Variants in AKR1C2 observed in about 807,000 individuals in gnomAD.
AKR1C2 encodes 3-alpha-HSD3.
Under a neutral mutation model 39.8 loss-of-function variants are expected in AKR1C2, and 27 were observed. The observed-to-expected ratio is 0.68, with a 90% confidence interval of 0.50 to 0.93. The LOEUF (loss-of-function observed/expected upper bound fraction) is 0.93. AKR1C2 is among the 40% of genes least tolerant of loss of function. AKR1C2 has a pLI of 0.00. For synonymous variants in AKR1C2, 114 were observed against 137.9 expected, an observed-to-expected ratio of 0.83 and a Z score of 1.22; for missense variants, 263 against 365.1, an observed-to-expected ratio of 0.72 and a Z score of 2.28.
At chr10:5,000,008 G>T in intron 3 of AKR1C2, 1 of 1,028,696 alleles carries the variant, frequency 9.7e-7, no homozygotes. Context: ...TAAGACAAAA[G>T]TTATGAATGA....
chr10:5,009,630 G>A lies in AKR1C2; in HGVS notation c.-87-5708C>T, dbSNP rs1205792063. Among the ~76,000 whole-genome samples, 6 of 151,222 alleles carry A rather than the reference G, an allele frequency of 4.0e-5. No homozygotes were observed. In the East Asian group the frequency reaches 1.2e-3, roughly 29 times the overall value. ...TCCCAGCAAAGGCCCCCACCTTTAAGCCTGGATACTCGTGCCCCTAAATGA... is the reference window on the plus strand; with the variant it reads ...TCCCAGCAAAGGCCCCCACCTTTAAACCTGGATACTCGTGCCCCTAAATGA... On this transcript the variant is annotated intron_variant, in intron 1 of 6. Transcript: ENST00000604507.
upstream of AKR1C2, chr10:5,003,898 C>T (rs1588307202): frequency 7.1e-6 from 11 of 1,542,086 alleles, no homozygotes; most frequent in African/African-American, 1.4e-5. Context: ...GAGCAATGAG[C>T]TGGCAACGCC....
chr10:4,991,717 T>C (rs1372470838), intron 8 of AKR1C2, 114 bp downstream of exon 8: 1 of 209,096 alleles, frequency 4.8e-6, no homozygotes, highest in Non-Finnish European at 9.2e-6. Flanking sequence ...AGCTCCTGTC[T>C]CACCTCTGTC....
At chr10:5,008,463 G>A (rs1554774620), upstream of AKR1C2, among the ~76,000 whole-genome samples, 2 of 151,970 alleles carry the variant, frequency 1.3e-5, no homozygotes, top group Non-Finnish European at 2.9e-5. Context: ...CAAGGCTCAA[G>A]GGGTACCTTG....
At chr10:5,000,343 CT>C (rs1283887925) in intron 3 of AKR1C2, 1 of 1,537,120 alleles carries the variant, frequency 6.5e-7, no homozygotes, top group Non-Finnish European at 8.8e-7. Context: ...TCTGCACTCT[CT>C]TTTCTTGTAG....
intron 8 of AKR1C2, 64 bp from the exon 9 acceptor site, chr10:4,990,102 A>G (rs1836783037): frequency 1.9e-6 from 3 of 1,600,864 alleles, no homozygotes; most frequent in South Asian, 1.1e-5. Flanking sequence ...CCCGTAGCGC[A>G]GTGATTTCTA....
At chr10:4,998,075 T>G (rs1156603895) in intron 5 of AKR1C2, among the ~76,000 whole-genome samples, 1 of 152,240 alleles carries the variant, frequency 6.6e-6, no homozygotes, top group Non-Finnish European at 1.5e-5. Context: ...GGTCATTTTC[T>G]CTTTCTACCA....
At chr10:5,009,566 G>GTTAA (rs1837476998) in intron 1 of AKR1C2, among the ~76,000 whole-genome samples, 1 of 151,662 alleles carries the variant, frequency 6.6e-6, no homozygotes, top group African/African-American at 2.4e-5. Context: ...ATGTGATATG[G>GTTAA]ACAGGAGACA....
In AKR1C2 at chr10:4,998,745, G is replaced by T. The variant is rs1837151331; in HGVS notation, c.450C>A (p.Ala150=). 6.2e-7 allele frequency: 1 copy of T among 1,613,892 alleles called. No homozygotes were observed. Residue 150 remains alanine (A), a splice_region_variant and synonymous_variant, in exon 5 of 9, where the codon GCC becomes GCA. Coordinates refer to ENST00000380753, the MANE Select transcript of AKR1C2 (RefSeq NM_001393392.1). ...ATCCTGCATCTTTACACTTCTCCAT[G>T]GCCTGGGAAAAAGGAATTGTGAGGT... ...DTVDLCATWE[A]MEKCKDAGLA... is the part of the protein sequence containing the mutation.
At chr10:5,007,967 C>G (rs188717666), upstream of AKR1C2, among the ~76,000 whole-genome samples, 1,297 of 150,806 alleles carry the variant, frequency 8.6e-3, 20 homozygotes, top group African/African-American at 0.03. Context: ...ACTCTATATT[C>G]TTCATTCTGG....
At chr10:5,014,409 A>G (rs1359331800) in intron 1 of AKR1C2, among the ~76,000 whole-genome samples, 5 of 152,034 alleles carry the variant, frequency 3.3e-5, no homozygotes, top group Non-Finnish European at 5.9e-5. Context: ...TTCCTTTTAT[A>G]TATTTTTGCA....
In AKR1C2 at chr10:5,000,613, T is replaced by C; in HGVS notation, c.306A>G (p.Ser102=). Residue 102 remains serine, a synonymous_variant, in exon 3 of 9, where the codon TCA becomes TCG. Coordinates refer to ENST00000380753, the MANE Select transcript of AKR1C2 (RefSeq NM_001393392.1). ...PELVRPALER[S]LKNLQLDYVD... ...CATAGTCCAATTGAAGATTTTTCAGTGACCTTTCCAAGGCTGGTCGGACCA... is the reference window on the plus strand; with the variant it reads ...CATAGTCCAATTGAAGATTTTTCAGCGACCTTTCCAAGGCTGGTCGGACCA... 6.2e-7 allele frequency: 1 copy of C among 1,614,074 alleles called. No individual in the cohort carries two copies. The highest frequency in any genetic ancestry group is 8.5e-7 in the Non-Finnish European group (1 of 1,179,938).
chr10:4,990,701 C>G (rs1386566400), intron 8 of AKR1C2, among the ~76,000 whole-genome samples: 1 of 151,868 alleles, frequency 6.6e-6, no homozygotes, highest in Non-Finnish European at 1.5e-5. Context: ...GGAATTGAGC[C>G]TATCCTTTGT....
upstream of AKR1C2, among the ~76,000 whole-genome samples, chr10:5,004,533 G>C (rs1414943418): frequency 3.3e-5 from 5 of 152,252 alleles, no homozygotes; most frequent in Admixed American, 6.5e-5. Context: ...TTGGTCTTTG[G>C]ATATAATTTG....
In AKR1C2 at chr10:4,988,945, A is replaced by G. The variant is rs1478355600; in HGVS notation, c.*1051T>C. 1 of 152,210 alleles carries G rather than the reference A, an allele frequency of 6.6e-6. No homozygotes were observed. The highest frequency in any genetic ancestry group is 1.5e-5 in the Non-Finnish European group (1 of 68,038). 9.4% of individuals were successfully genotyped at this position (152,210 alleles called of 1,614,324 possible). ...TGCTGTTTTACATAGCCTGTTTCCA[A>G]AAGACATTTGAAGTCTTGGAACATT... On this transcript the variant is annotated 3_prime_UTR_variant, in exon 9 of 9. Transcript: ENST00000380753.
Position 4,990,023 on chromosome 10 carries a change from A to C in AKR1C2, c.945T>G (p.Pro315=). The change falls in exon 9 of 9, where the codon CCT becomes CCG. Residue 315 remains proline (P), a synonymous_variant. Coordinates refer to ENST00000380753, the MANE Select transcript of AKR1C2 (RefSeq NM_001393392.1). The part of the protein sequence containing the change: ...YLTLDIFAGP[P]NYPFSDEY Reference sequence around the variant, plus strand: ...AATATTCATCAGAAAATGGATAATTAGGGGGGCCAGCAAAACTGGAAAGAG... The same window carrying C: ...AATATTCATCAGAAAATGGATAATTCGGGGGGCCAGCAAAACTGGAAAGAG... 2.5e-6 allele frequency: 4 copies of C among 1,600,986 alleles called. No homozygotes were observed. Among genetic ancestry groups the C allele is most frequent in the Non-Finnish European group, 3.4e-6 (4 of 1,176,578 alleles).
At position 5,015,309 on chromosome 10, in the gene AKR1C2, T is replaced by C. The variant is rs74806843; in HGVS notation, c.-88+2591A>G. 1.4e-4 allele frequency: 21 copies of C among 152,358 alleles called. No individual in the cohort carries two copies. In the East Asian group the frequency reaches 4.0e-3, roughly 29 times the overall value. The allele number at this position is 152,358 out of a possible 1,614,324, so 9.4% of individuals were successfully genotyped here. On this transcript the variant is annotated intron_variant, in intron 1 of 6. Coordinates refer to the AKR1C2 transcript ENST00000604507. ...ATTTTCTTTCTTTTCTACATTTTTA[T>C]AGAGGAGTTTTGTAGATAGGCAGGA...
chr10:5,010,020 C>T (rs577896349), intron 1 of AKR1C2, among the ~76,000 whole-genome samples: 7 of 143,526 alleles, frequency 4.9e-5, no homozygotes, highest in African/African-American at 1.8e-4. Flanking sequence ...CACATGTGAT[C>T]TGACTCTTCT....
chr10:4,996,208 T>A (rs1554773065), intron 5 of AKR1C2: 1 of 246,724 alleles, frequency 4.1e-6, no homozygotes, highest in Non-Finnish European at 7.7e-6. Context: ...GGTCAAAGAC[T>A]CATGAGGGCA....
Sources: allele counts gnomAD v4.1 joint callset (sites outside exome capture counted in the v4.1 genomes callset), GRCh38; gene constraint gnomAD v4.1.1; transcripts MANE v1.5; gene names NCBI Gene and HGNC (gene_info 2026-07-23, HGNC 2026-07-21).